The following RTN1 variants were observed in gnomAD, a reference collection of about 807,000 sequenced individuals.
RTN1 encodes the protein reticulon 1.
In RTN1, 25 loss-of-function variants were observed where a neutral mutation model predicts 65.5. That is an observed-to-expected ratio of 0.38 (90% CI 0.28 to 0.53). The LOEUF (loss-of-function observed/expected upper bound fraction) is 0.53. Among genes scored for constraint, RTN1 ranks in the 20% least tolerant of loss-of-function variants. The pLI, the probability that RTN1 is intolerant of heterozygous loss-of-function variation, is 0.79. For synonymous variants in RTN1, 471 were observed against 447.6 expected, an observed-to-expected ratio of 1.05 and a Z score of -0.66; for missense variants, 983 against 1,025.4, an observed-to-expected ratio of 0.96 and a Z score of 0.57.
At chr14:59,725,818 A>G (rs1297122327) in intron 3 of RTN1, among the ~76,000 whole-genome samples, 3 of 152,232 alleles carry the variant, frequency 2.0e-5, no homozygotes, top group Admixed American at 1.3e-4. Context: ...CTCTATTTTT[A>G]TATGAAGCAC....
intron 3 of RTN1, among the ~76,000 whole-genome samples, chr14:59,628,745 G>C (rs1246617238): frequency 6.6e-6 from 1 of 152,138 alleles, no homozygotes; most frequent in Non-Finnish European, 1.5e-5. Context: ...AATGATAAAA[G>C]TCCATGTGTT....
In RTN1 at chr14:59,803,455, A is replaced by G. The variant is rs1886582580; in HGVS notation, c.242-56974T>C. Among the ~76,000 whole-genome samples, 1 of 152,178 alleles carries G rather than the reference A, an allele frequency of 6.6e-6. No homozygotes were observed. Among genetic ancestry groups the G allele is most frequent in the Non-Finnish European group, 1.5e-5 (1 of 68,026 alleles). ...AAGCAAAGAATTAGGGCAACTATCC[A>G]GATAATTCAGGCCACCCAAATCTAC... On this transcript the variant is annotated intron_variant, in intron 1 of 8. Coordinates refer to ENST00000267484, the MANE Select transcript of RTN1 (RefSeq NM_021136.3). This position sits in a 1 kb window ranked among gnomAD's most constrained non-coding sequence, Gnocchi z 5.6.
chr14:59,755,680 C>A (rs895732818), intron 1 of RTN1, among the ~76,000 whole-genome samples: 3 of 152,160 alleles, frequency 2.0e-5, no homozygotes, highest in Non-Finnish European at 4.4e-5. Context: ...ACTCTAGGAA[C>A]CTCTATGTCA....
chr14:59,776,464 A>G (rs754189099), intron 1 of RTN1, among the ~76,000 whole-genome samples: 2 of 152,050 alleles, frequency 1.3e-5, no homozygotes, highest in Non-Finnish European at 2.9e-5. Context: ...TCATCCTTGG[A>G]CTTCCCAGCC....
At chr14:59,773,450 A>C (rs1885994909) in intron 1 of RTN1, among the ~76,000 whole-genome samples, 1 of 152,180 alleles carries the variant, frequency 6.6e-6, no homozygotes, top group African/African-American at 2.4e-5. Flanking sequence ...TTAAAAAGTT[A>C]GTTTCTGATA....
intron 3 of RTN1, among the ~76,000 whole-genome samples, chr14:59,679,687 T>C (rs577980789): frequency 6.6e-6 from 1 of 152,338 alleles, no homozygotes; most frequent in African/African-American, 2.4e-5. Context: ...TTAGCTCAAA[T>C]GAAGTCTGGG....
At chr14:59,814,311 A>C (rs914266096) in intron 1 of RTN1, among the ~76,000 whole-genome samples, 1 of 152,214 alleles carries the variant, frequency 6.6e-6, no homozygotes, top group African/African-American at 2.4e-5. Context: ...GCAGACGCTG[A>C]AAGTTGGACA....
At chr14:59,764,187 G>C (rs957022177) in intron 1 of RTN1, among the ~76,000 whole-genome samples, 2 of 152,154 alleles carry the variant, frequency 1.3e-5, no homozygotes, top group East Asian at 1.9e-4. Flanking sequence ...GAGGGTATTA[G>C]AAAGGTGTAG....
intron 1 of RTN1, among the ~76,000 whole-genome samples, chr14:59,751,132 A>C (rs973539753): frequency 1.3e-5 from 2 of 148,466 alleles, no homozygotes; most frequent in African/African-American, 5.0e-5. Flanking sequence ...AAGTGACTTA[A>C]TTTTGTGAGC....
chr14:59,845,507 CT>C (rs1364818062), intron 1 of RTN1, among the ~76,000 whole-genome samples: 1 of 152,164 alleles, frequency 6.6e-6, no homozygotes, highest in African/African-American at 2.4e-5. Context: ...ATGTGGAAGT[CT>C]CCTTAACCTC....
intron 1 of RTN1, among the ~76,000 whole-genome samples, chr14:59,764,527 G>A (rs907902174): frequency 3.3e-5 from 5 of 151,830 alleles, no homozygotes; most frequent in Non-Finnish European, 7.4e-5. Context: ...TCACTATGTT[G>A]GCCAGGGTGG....
chr14:59,757,158 C>T (rs1017597640), intron 1 of RTN1, among the ~76,000 whole-genome samples: 3 of 152,054 alleles, frequency 2.0e-5, no homozygotes, highest in African/African-American at 7.2e-5. Context: ...TATCCTAACC[C>T]CAAAGATGAT....
In RTN1 at chr14:59,805,776, G is replaced by A. The variant is rs138638439; in HGVS notation, c.242-59295C>T. On this transcript the variant is annotated intron_variant, in intron 1 of 8. Coordinates refer to ENST00000267484, the MANE Select transcript of RTN1 (RefSeq NM_021136.3). ...AAATATTATAAATTTTACATTATTA[G>A]GTTCTTTCCCAAATTACATCAATGA... Among the ~76,000 whole-genome samples, 586 of 152,016 alleles carry A rather than the reference G, an allele frequency of 3.9e-3. 2 individuals are homozygous for A. The highest frequency in any genetic ancestry group is 5.3e-3 in the Non-Finnish European group (361 of 67,964).
At position 59,603,260 on chromosome 14, in the gene RTN1, TG is replaced by T; in HGVS notation, c.2183-3del. ...GTAGAGTAAACATTGAAACCACAGC[TG>T]GGATGAAAAACAAATATAGTATTAA... On this transcript the variant is annotated splice_polypyrimidine_tract_variant and splice_region_variant and intron_variant, in intron 6 of 8. Transcript: ENST00000267484. 3 of 1,611,820 alleles carry T rather than the reference TG, an allele frequency of 1.9e-6. No homozygotes were observed. Among genetic ancestry groups the T allele is most frequent in the Non-Finnish European group, 2.5e-6 (3 of 1,179,138 alleles).
intron 1 of RTN1, among the ~76,000 whole-genome samples, chr14:59,857,059 A>C (rs150700242): frequency 6.6e-6 from 1 of 152,282 alleles, no homozygotes; most frequent in East Asian, 1.9e-4. Context: ...ATTCTGTACC[A>C]CGTCATCTTG....
intron 1 of RTN1, among the ~76,000 whole-genome samples, chr14:59,768,724 T>C (rs1382684368): frequency 6.7e-6 from 1 of 149,016 alleles, no homozygotes; most frequent in Non-Finnish European, 1.5e-5. Context: ...TGTCTCGCTG[T>C]TAAAAAAAAA....
intron 3 of RTN1, among the ~76,000 whole-genome samples, chr14:59,652,596 T>C (rs1383835505): frequency 6.6e-6 from 1 of 152,038 alleles, no homozygotes; most frequent in African/African-American, 2.4e-5. Context: ...CCAAATACCA[T>C]ATGTTCTTAC....
intron 3 of RTN1, among the ~76,000 whole-genome samples, chr14:59,723,334 C>T (rs1318512158): frequency 1.5e-4 from 22 of 151,520 alleles, no homozygotes; most frequent in East Asian, 4.0e-4. Flanking sequence ...TGGCCGAGTG[C>T]GGTGGCTCAC....
intron 3 of RTN1, among the ~76,000 whole-genome samples, chr14:59,716,666 G>A (rs1884539535): frequency 6.6e-6 from 1 of 151,994 alleles, no homozygotes; most frequent in African/African-American, 2.4e-5. Flanking sequence ...TTCAAATTGT[G>A]GTGGTGTGAG....
Sources: allele counts gnomAD v4.1 joint callset (sites outside exome capture counted in the v4.1 genomes callset), GRCh38; gene constraint gnomAD v4.1.1; non-coding constraint Gnocchi (gnomAD v3.1); transcripts MANE v1.5; gene names NCBI Gene and HGNC (gene_info 2026-07-23, HGNC 2026-07-21).